Variants in SOX6 observed in about 807,000 individuals in gnomAD.
The protein encoded by SOX6 is SRY-box transcription factor 6.
A neutral mutation model predicts 97.8 loss-of-function variants in SOX6; 11 were observed. The ratio of observed to expected loss-of-function variants is 0.11; its 90% CI spans 0.07 to 0.19. The LOEUF is 0.19. Ranked by LOEUF, SOX6 falls within the 10% of genes least tolerant of loss-of-function variation. The pLI is 1.00. For missense variants in SOX6, 810 were observed against 1,039.5 expected (o/e 0.78, Z 3.04); for synonymous variants, 360 against 371.4 (o/e 0.97, Z 0.35).
chr11:16,297,421 A>G (rs913225457), intron 3 of SOX6, among the ~76,000 whole-genome samples: 2 of 152,214 alleles, frequency 1.3e-5, no homozygotes, highest in African/African-American at 4.8e-5. Context: ...CAAGTGGTCA[A>G]AACTCTGCTA....
intron 2 of SOX6, among the ~76,000 whole-genome samples, chr11:16,725,765 A>C (rs906033302): frequency 2.6e-5 from 4 of 152,150 alleles, no homozygotes; most frequent in Admixed American, 6.5e-5. Context: ...AAGTCAACTA[A>C]ATTTCAATTA....
rs561898748 is a variant in SOX6 at position 16,726,813 on chromosome 11, T to C, written n.353+9526A>G. On this transcript the variant is annotated intron_variant and non_coding_transcript_variant, in intron 2 of 5. Coordinates refer to the SOX6 transcript ENST00000524520. ...ACAAAGTATTAAGACCAAAATGTAATATCCTCAAAATCACTAGAATAAAGA... is the reference window on the plus strand; with the variant it reads ...ACAAAGTATTAAGACCAAAATGTAACATCCTCAAAATCACTAGAATAAAGA... 5.9e-5 allele frequency among the ~76,000 whole-genome samples: 9 copies of C among 152,260 alleles called. No individual in the cohort carries two copies. In the South Asian group the frequency reaches 1.9e-3, roughly 32 times the overall value.
chr11:16,045,033 C>T (rs761476630), intron 12 of SOX6, among the ~76,000 whole-genome samples: 14 of 152,034 alleles, frequency 9.2e-5, no homozygotes, highest in Admixed American at 1.3e-4. Context: ...ATCCCTCTCC[C>T]GTGTGTTCCA....
At chr11:16,317,743 C>T (rs1855793243) in intron 3 of SOX6, 1 of 164,694 alleles carries the variant, frequency 6.1e-6, no homozygotes, top group Admixed American at 6.1e-5. Flanking sequence ...AATTACTCTA[C>T]ATTTTAAGGC....
At chr11:16,733,475 G>A (rs1848366689) in intron 2 of SOX6, among the ~76,000 whole-genome samples, 1 of 145,628 alleles carries the variant, frequency 6.9e-6, no homozygotes, top group Non-Finnish European at 1.5e-5. Flanking sequence ...ACCATCACAA[G>A]AATAGAAAAA....
chr11:16,091,974 G>A (rs1175785581), intron 9 of SOX6, among the ~76,000 whole-genome samples: 1 of 152,006 alleles, frequency 6.6e-6, no homozygotes, highest in African/African-American at 2.4e-5. Flanking sequence ...AACTCTGCCT[G>A]TAACAATATT....
At chr11:16,074,741 A>G (rs543098013) in intron 9 of SOX6, among the ~76,000 whole-genome samples, 5 of 152,320 alleles carry the variant, frequency 3.3e-5, no homozygotes, top group Admixed American at 3.3e-4. Context: ...ATGGAAAAAC[A>G]TTCCTTGCTC....
intron 1 of SOX6, among the ~76,000 whole-genome samples, chr11:16,475,272 T>C (rs1398919138): frequency 6.6e-6 from 1 of 152,206 alleles, no homozygotes; most frequent in African/African-American, 2.4e-5. Flanking sequence ...CCTCAAGAAC[T>C]TTCCCTTTGC....
At chr11:16,664,775 T>G (rs1287557164) in intron 3 of SOX6, among the ~76,000 whole-genome samples, 3 of 151,698 alleles carry the variant, frequency 2.0e-5, no homozygotes, top group African/African-American at 7.3e-5. Flanking sequence ...AGCCCACAGG[T>G]CCAGGAAAGA....
chr11:16,003,055 A>G (rs951662806), intron 13 of SOX6, among the ~76,000 whole-genome samples: 4 of 152,174 alleles, frequency 2.6e-5, no homozygotes, highest in Non-Finnish European at 5.9e-5. Flanking sequence ...ATGATCTGTC[A>G]CAAATGCAAT....
chr11:16,455,111 A>G (rs1436175565), intron 1 of SOX6, among the ~76,000 whole-genome samples: 2 of 152,074 alleles, frequency 1.3e-5, no homozygotes, highest in Non-Finnish European at 2.9e-5. Context: ...TAATAAAAAT[A>G]TAATACTTAA....
chr11:16,022,373 T>TCCTTCCTCCCTCCCTCCCTCCCTTCCTC (rs1485049397), intron 12 of SOX6, among the ~76,000 whole-genome samples: 1 of 132,558 alleles, frequency 7.5e-6, no homozygotes, highest in African/African-American at 2.9e-5. Context: ...CTTCCTTCCT[T>TCCTTCCTCCCTCCCTCCCTCCCTTCCTC]CCTCCCTCCC....
intron 12 of SOX6, among the ~76,000 whole-genome samples, chr11:16,017,100 T>C (rs926304982): frequency 3.3e-5 from 5 of 152,074 alleles, no homozygotes; most frequent in African/African-American, 1.2e-4. Flanking sequence ...TGTAAAATCC[T>C]AAGACAACAA....
chr11:16,279,380 A>G (rs1590087029), intron 3 of SOX6, among the ~76,000 whole-genome samples: 1 of 152,228 alleles, frequency 6.6e-6, no homozygotes, highest in African/African-American at 2.4e-5. Context: ...AATATAGGGT[A>G]AATCAATAAT....
At chr11:16,457,664 CT>C (rs1264535503) in intron 1 of SOX6, among the ~76,000 whole-genome samples, 1 of 152,052 alleles carries the variant, frequency 6.6e-6, no homozygotes, top group African/African-American at 2.4e-5. Context: ...ACTATGCTTA[CT>C]TAAAGCCTAC....
chr11:16,226,957 T>C (rs1022210083), intron 4 of SOX6, among the ~76,000 whole-genome samples: 1 of 152,202 alleles, frequency 6.6e-6, no homozygotes. Flanking sequence ...AAAGAATAAC[T>C]ACTTTGTATT....
intron 3 of SOX6, among the ~76,000 whole-genome samples, chr11:16,696,517 A>G (rs1192416258): frequency 6.6e-6 from 1 of 152,188 alleles, no homozygotes; most frequent in Non-Finnish European, 1.5e-5. Flanking sequence ...CGAATGTCAC[A>G]AAAAAAGTGA....
chr11:15,992,117 G>A (rs368573038), intron 13 of SOX6, among the ~76,000 whole-genome samples: 1 of 152,282 alleles, frequency 6.6e-6, no homozygotes, highest in South Asian at 2.1e-4. Flanking sequence ...ACAAAAACAT[G>A]AATTAAGAAG....
intron 6 of SOX6, among the ~76,000 whole-genome samples, chr11:16,126,876 G>A (rs1046917208): frequency 3.3e-5 from 5 of 152,036 alleles, no homozygotes; most frequent in Non-Finnish European, 7.4e-5. Flanking sequence ...GTTCAATTAT[G>A]TTTATGTTTT....
Sources: gnomAD v4.1 joint callset for allele counts (sites outside exome capture counted in the v4.1 genomes callset) on GRCh38, gnomAD v4.1.1 for gene constraint, MANE v1.5 for transcripts, NCBI Gene and HGNC (gene_info 2026-07-23, HGNC 2026-07-21) for gene names.